The following RUBCNL variants were observed in gnomAD, a reference collection of about 807,000 sequenced individuals.
RUBCNL encodes the protein rubicon like autophagy enhancer, also known as protein associated with UVRAG as autophagy enhancer.
RUBCNL carries 62 observed loss-of-function variants against 69.5 expected under a neutral mutation model. The observed-to-expected ratio is 0.89, with a 90% confidence interval of 0.73 to 1.10. The LOEUF (loss-of-function observed/expected upper bound fraction) is 1.10, where lower values mean the gene tolerates loss of function less well. Among genes scored for constraint, RUBCNL ranks in the 50% least tolerant of loss-of-function variants. The pLI is 0.00. For missense variants in RUBCNL, 768 were observed against 798.1 expected (o/e 0.96, Z 0.45); for synonymous variants, 291 against 303.6 (o/e 0.96, Z 0.43).
At chr13:46,368,864 T>C (rs1015342810) in intron 3 of RUBCNL, 49 bp from the exon 4 acceptor site, 1 of 1,335,814 alleles carries the variant, frequency 7.5e-7, no homozygotes, top group Non-Finnish European at 1.1e-6. Context: ...AGTTTAAAGA[T>C]TACCTAATAA....
chr13:46,382,736 T>G (rs2049146794), intron 1 of RUBCNL, among the ~76,000 whole-genome samples: 1 of 152,042 alleles, frequency 6.6e-6, no homozygotes, highest in South Asian at 2.1e-4. Context: ...TGGGTTTCGC[T>G]ATGTTGGCCA....
At chr13:46,347,426 CA>C (rs1309243760) in intron 12 of RUBCNL, among the ~76,000 whole-genome samples, 1 of 151,638 alleles carries the variant, frequency 6.6e-6, no homozygotes, top group Non-Finnish European at 1.5e-5. Context: ...CCAAAAACAA[CA>C]AAAAAAACTA....
At chr13:46,349,477 A>C (rs1594135329) in intron 11 of RUBCNL, 130 bp from the exon 12 acceptor site, 1 of 811,122 alleles carries the variant, frequency 1.2e-6, no homozygotes. Flanking sequence ...TTGAAAGCAA[A>C]CCGCCTATAC....
chr13:46,368,872 T>C, intron 3 of RUBCNL, 57 bp from the exon 4 acceptor site: 1 of 1,261,062 alleles, frequency 7.9e-7, no homozygotes, highest in Non-Finnish European at 1.1e-6. Flanking sequence ...GATTACCTAA[T>C]AAAATAAAAC....
Position 46,338,962 on chromosome 13 carries a change from G to A in RUBCNL, c.*4423C>T, listed in dbSNP as rs960212784. Among the ~76,000 whole-genome samples the A allele has an allele frequency of 5.3e-5, 8 of 151,556 alleles. No individual in the cohort carries two copies. The South Asian group carries it at 6.2e-4, about 12-fold the overall frequency. Reference sequence around the variant, plus strand: ...CTAGGGAAGCTGAGGCAGGAAAATCGCTTGAACCGGGAAGCAGAGGCTGCA... The same window carrying A: ...CTAGGGAAGCTGAGGCAGGAAAATCACTTGAACCGGGAAGCAGAGGCTGCA... On this transcript the variant is annotated 3_prime_UTR_variant, in exon 15 of 15. Coordinates refer to ENST00000429979, the MANE Select transcript of RUBCNL (RefSeq NM_025113.5).
chr13:46,359,671 T>C, intron 8 of RUBCNL, 40 bp from the exon 9 acceptor site: 1 of 1,469,252 alleles, frequency 6.8e-7, no homozygotes, highest in Non-Finnish European at 9.1e-7. Flanking sequence ...AACTTAAGCA[T>C]ATTTCAAAGA....
intron 5 of RUBCNL, among the ~76,000 whole-genome samples, chr13:46,365,251 C>T (rs1483554920): frequency 1.4e-5 from 2 of 145,654 alleles, no homozygotes; most frequent in Non-Finnish European, 3.0e-5. Flanking sequence ...TGCTGTGAGC[C>T]GAGATCGCAC....
In RUBCNL at chr13:46,359,047, G is replaced by T. The variant is rs1201899750; in HGVS notation, c.1265+439C>A. On this transcript the variant is annotated intron_variant, in intron 9 of 14. Transcript: ENST00000429979. ...TAATCCCAGCACTTTGGGAGGCTGA[G>T]GTGGGCAGATCACTTGAGCCCAGGA... Among the ~76,000 whole-genome samples the T allele has an allele frequency of 2.0e-5, 3 of 152,040 alleles. 1 individual carries two copies. Among genetic ancestry groups the T allele is most frequent in the Admixed American group, 2.0e-4 (3 of 15,254 alleles).
rs763521591 is a variant in RUBCNL, at chr13:46,362,539, T to A, written c.985A>T (p.Ser329Cys). Residue 329 changes from serine (S) to cysteine (C), a missense_variant and splice_region_variant, in exon 7 of 15, where the codon AGT (serine) becomes TGT (cysteine). Transcript: ENST00000429979. ...GCACTGTGCACAGAAGACAGATACC[T>A]CTTAGAGGAGCTGCAGGAACAGCTA... ...TCSCSCSSSKSVTYEPDFNSA... is the reference protein window; with the variant it reads ...TCSCSCSSSKCVTYEPDFNSA... 6.2e-7 allele frequency: 1 copy of A among 1,605,956 alleles called. No individual in the cohort carries two copies. Among genetic ancestry groups the A allele is most frequent in the African/African-American group, 1.3e-5 (1 of 74,754 alleles).
chr13:46,355,317 C>G (rs149726087), intron 10 of RUBCNL, among the ~76,000 whole-genome samples: 4 of 139,114 alleles, frequency 2.9e-5, no homozygotes, highest in African/African-American at 1.1e-4. Flanking sequence ...TTTTTTGAGA[C>G]GGAGTCTCAC....
In RUBCNL at chr13:46,380,414, G is replaced by C. The variant is rs375444388; in HGVS notation, c.-238-2409C>G. ...GAGACCATTAGGGGACTTACCCAAA[G>C]TCTCGCCATTAGTAATTAGCAGAAG... On this transcript the variant is annotated intron_variant, in intron 1 of 14. Transcript: ENST00000429979. Among the ~76,000 whole-genome samples, 337 of 152,292 alleles carry C rather than the reference G, an allele frequency of 2.2e-3. 4 individuals carry two copies. The highest frequency in any genetic ancestry group is 0.012 in the South Asian group (57 of 4,822).
rs199831554 is a variant in RUBCNL, at chr13:46,344,804, C to G, written c.1813G>C (p.Glu605Gln). The change falls in exon 14 of 15, where the codon GAA becomes CAA. Residue 605 changes from glutamate (E) to glutamine (Q), a missense_variant. By Grantham distance (29) the Glu-to-Gln change is conservative. Transcript: ENST00000429979. ...ATGACAGTCGTATTCTGGCAAAATT[C>G]ACAAATAAAGCCCTTTCCTTGACAC... ...ELCQGKGFIC[E>Q]FCQNTTVIFP... 1.2e-4 allele frequency: 195 copies of G among 1,611,656 alleles called. 1 individual carries two copies. Among genetic ancestry groups the G allele is most frequent in the Middle Eastern group, 1.6e-4 (1 of 6,078 alleles).
chr13:46,358,773 C>T (rs9567661), intron 9 of RUBCNL, among the ~76,000 whole-genome samples: 59,480 of 151,780 alleles, frequency 0.39, 12,244 homozygotes, highest in East Asian at 0.59. Flanking sequence ...CAGGCTGACC[C>T]CAAACTCCTG....
At chr13:46,365,318 A>AC (rs1289969524) in intron 5 of RUBCNL, among the ~76,000 whole-genome samples, 1 of 151,804 alleles carries the variant, frequency 6.6e-6, no homozygotes, top group Non-Finnish European at 1.5e-5. Flanking sequence ...AAAAAAAAAA[A>AC]AAAAAAAATC....
chr13:46,354,986 T>C (rs1566070496), intron 10 of RUBCNL: 1 of 345,360 alleles, frequency 2.9e-6, no homozygotes, highest in Non-Finnish European at 5.8e-6. Flanking sequence ...TGTTCCCCAC[T>C]AGATGTGCTG....
intron 1 of RUBCNL, 111 bp from the exon 2 acceptor site, chr13:46,378,116 A>T (rs2049037925): frequency 1.7e-6 from 1 of 605,140 alleles, no homozygotes; most frequent in African/African-American, 1.9e-5. Context: ...ATATTTTTTT[A>T]CTGAGCATCT....
chr13:46,363,377 G>T (rs1244220794), intron 5 of RUBCNL, among the ~76,000 whole-genome samples, 164 bp from the exon 6 acceptor site: 3 of 152,112 alleles, frequency 2.0e-5, no homozygotes, highest in Non-Finnish European at 2.9e-5. Flanking sequence ...AACTATTTGT[G>T]TGTTCTTTTT....
In RUBCNL at chr13:46,371,183, A is replaced by G. The variant is rs76308366; in HGVS notation, c.535+758T>C. Among the ~76,000 whole-genome samples, 763 of 152,354 alleles carry G rather than the reference A, an allele frequency of 5.0e-3. 4 individuals are homozygous for G. The highest frequency in any genetic ancestry group is 7.5e-3 in the Non-Finnish European group (509 of 68,042). On this transcript the variant is annotated intron_variant, in intron 3 of 14. Transcript: ENST00000429979. Reference sequence around the variant, plus strand: ...AGACAGGCAGGCAGCAGGCAGACTGATGACTTTTTAAATTGCTTTGAAAGA... The same window carrying G: ...AGACAGGCAGGCAGCAGGCAGACTGGTGACTTTTTAAATTGCTTTGAAAGA...
At position 46,335,298 on chromosome 13, in the gene RUBCNL, C is replaced by G. The variant is rs1164517418; in HGVS notation, c.*8087G>C. ...TTTTTTTTTTTTTAAGAGACAGGGT[C>G]TCGCTATGTTGCACAGGCTGGTCAC... On this transcript the variant is annotated 3_prime_UTR_variant, in exon 15 of 15. Transcript: ENST00000429979. Among the ~76,000 whole-genome samples the G allele has an allele frequency of 7.8e-6, 1 of 127,944 alleles. No homozygotes were observed. The highest frequency in any genetic ancestry group is 3.1e-5 in the African/African-American group (1 of 32,020). 83.9% of individuals were successfully genotyped at this position (127,944 alleles called of 152,430 possible).
Sources: gnomAD v4.1 joint callset for allele counts (sites outside exome capture counted in the v4.1 genomes callset) on GRCh38, gnomAD v4.1.1 for gene constraint, MANE v1.5 for transcripts, NCBI Gene and HGNC (gene_info 2026-07-23, HGNC 2026-07-21) for gene names.